The following TTC19 variants were observed in gnomAD, a reference collection of about 807,000 sequenced individuals.
The protein encoded by TTC19 is tetratricopeptide repeat domain 19, also known as tetratricopeptide repeat protein 19, mitochondrial.
In TTC19, 38 loss-of-function variants were observed where a neutral mutation model predicts 49.5. The observed-to-expected ratio is 0.77, with a 90% confidence interval of 0.59 to 1.01. The LOEUF is 1.01. Among genes scored for constraint, TTC19 ranks in the 50% least tolerant of loss-of-function variants. The pLI is 0.00. For missense variants in TTC19, 475 were observed against 477.7 expected, an observed-to-expected ratio of 0.99 and a Z score of 0.05; for synonymous variants, 204 against 185.2, an observed-to-expected ratio of 1.10 and a Z score of -0.83.
chr17:16,002,243 A>G (rs958208084), intron 3 of TTC19, among the ~76,000 whole-genome samples: 2 of 152,172 alleles, frequency 1.3e-5, no homozygotes, highest in East Asian at 1.9e-4. Context: ...CAGTGGCACA[A>G]TCTTGGCTCA....
intron 6 of TTC19, 31 bp downstream of exon 6, chr17:16,004,293 G>A: frequency 1.2e-6 from 2 of 1,604,520 alleles, no homozygotes; most frequent in Non-Finnish European, 1.7e-6. Context: ...GTAGGACTGT[G>A]GGCAGGAAAC....
At position 16,007,342 on chromosome 17, in the gene TTC19, CAAT is replaced by C. The variant is rs139823918; in HGVS notation, c.676+777_676+779del. On this transcript the variant is annotated intron_variant, in intron 7 of 9. Transcript: ENST00000261647. ...GTTAGGCACAGTAAGAGATTAACAA[CAAT>C]AACTTTTAATAGAACAATTATAACT... Among the ~76,000 whole-genome samples, 457 of 152,180 alleles carry C rather than the reference CAAT, an allele frequency of 3.0e-3. 4 individuals carry two copies. Among genetic ancestry groups the C allele is most frequent in the African/African-American group, 0.01 (422 of 41,464 alleles).
rs2057371068 is a variant in TTC19 at position 16,040,576 on chromosome 17, AAAATT to A, written c.248-3924_248-3920del. The A allele has an allele frequency of 6.2e-6, 7 of 1,136,520 alleles. No individual in the cohort carries two copies. In the South Asian group the frequency reaches 9.6e-5, roughly 16 times the overall value. The allele number at this position is 1,136,520 out of a possible 1,614,324, so 70.4% of individuals were successfully genotyped here. A position where few individuals can be genotyped will look rare whatever the true frequency, so the allele number is the denominator to read the frequency against. On this transcript the variant is annotated intron_variant, in intron 2 of 2. Coordinates refer to the TTC19 transcript ENST00000470649. ...TAAAGTCTCAAAAAATTCCTATAAT[AAAATT>A]AATCTTTTTATTTTTCATGATCTCA...
intron 2 of TTC19, chr17:16,040,648 ATTT>A: frequency 1.7e-5 from 11 of 635,554 alleles, no homozygotes; most frequent in East Asian, 1.3e-4. Flanking sequence ...AAATGGAAGT[ATTT>A]TTTTTTTTTG....
intron 6 of TTC19, among the ~76,000 whole-genome samples, chr17:16,006,204 G>A (rs1305934401): frequency 6.6e-6 from 1 of 152,222 alleles, no homozygotes; most frequent in Non-Finnish European, 1.5e-5. Flanking sequence ...AAGGTCAGGA[G>A]TTCCAGACCA....
At chr17:16,000,992 C>A (rs1382220701) in intron 2 of TTC19, among the ~76,000 whole-genome samples, 1 of 152,176 alleles carries the variant, frequency 6.6e-6, no homozygotes, top group Non-Finnish European at 1.5e-5. Context: ...CTGTTGCCAA[C>A]AAATGCAAAA....
At chr17:16,033,216 T>C (rs937260515), downstream of TTC19, among the ~76,000 whole-genome samples, 1 of 151,220 alleles carries the variant, frequency 6.6e-6, no homozygotes, top group South Asian at 2.1e-4. Flanking sequence ...ATGCCTGTAA[T>C]CCCAGCTAGT....
chr17:16,007,348 CTTTT>C (rs1661763190), intron 7 of TTC19, among the ~76,000 whole-genome samples: 3 of 151,916 alleles, frequency 2.0e-5, no homozygotes, highest in Non-Finnish European at 2.9e-5. Flanking sequence ...ACAACAATAA[CTTTT>C]AATAGAACAA....
intron 6 of TTC19, among the ~76,000 whole-genome samples, chr17:16,005,991 G>A (rs56258621): frequency 0.16 from 24,842 of 152,150 alleles, 4,552 homozygotes; most frequent in African/African-American, 0.45. Context: ...TAAAAAAACT[G>A]CTTTGAGAAA....
chr17:16,039,252 G>T (rs1423789549), intron 2 of TTC19: 1 of 615,446 alleles, frequency 1.6e-6, no homozygotes, highest in South Asian at 2.1e-5. Context: ...TTTTATTTCT[G>T]TTCATATTAT....
intron 2 of TTC19, chr17:16,040,370 A>T: frequency 8.1e-7 from 1 of 1,239,748 alleles, no homozygotes. Flanking sequence ...GTTGGTACTC[A>T]GTACATATTT....
At chr17:16,022,838 T>C (rs1367183001) in intron 7 of TTC19, among the ~76,000 whole-genome samples, 16 of 152,236 alleles carry the variant, frequency 1.1e-4, no homozygotes, top group Admixed American at 1.0e-3. Context: ...TATCTTTTTC[T>C]GTGACTAGAA....
rs192811874 is a variant in TTC19, at chr17:16,044,591, G to A, written c.*36G>A. 283 of 554,098 alleles carry A rather than the reference G, an allele frequency of 5.1e-4. 1 individual carries two copies. Among genetic ancestry groups the A allele is most frequent in the African/African-American group, 4.3e-3 (225 of 52,510 alleles). 34.3% of individuals were successfully genotyped at this position (554,098 alleles called of 1,614,324 possible). On this transcript the variant is annotated 3_prime_UTR_variant, in exon 3 of 3. Transcript: ENST00000470649. ...TCATCCGGCAACTACCACCACGTCCGGCAGCGCCAGCCCCACACTTGCCCA... is the reference window on the plus strand; with the variant it reads ...TCATCCGGCAACTACCACCACGTCCAGCAGCGCCAGCCCCACACTTGCCCA...
At position 16,039,275 on chromosome 17, in the gene TTC19, G is replaced by C. The variant is rs143648164; in HGVS notation, c.248-5228G>C. ...CTGTTCATATTATAATGTCTGGGTA[G>C]GTTTTCAAAAACCTTTTTTAAGTAA... On this transcript the variant is annotated intron_variant, in intron 2 of 2. Coordinates refer to the TTC19 transcript ENST00000470649. 2.4e-3 allele frequency: 1,626 copies of C among 681,192 alleles called. 26 individuals are homozygous for C. The African/African-American group carries it at 0.026, about 11-fold the overall frequency. 42.2% of individuals were successfully genotyped at this position (681,192 alleles called of 1,614,324 possible).
In TTC19 at chr17:16,025,075, C is replaced by T. The variant is rs1971505188; in HGVS notation, c.735C>T (p.Arg245=). The part of the protein sequence containing the change: ...LLGMCLDACA[R]YLLFSKQPSQ... ...GCATGTGCTTAGACGCCTGTGCTCG[C>T]TACCTTCTGTTCTCCAAGCAGCCGT... Residue 245 remains arginine, a synonymous_variant, in exon 8 of 10, where the codon CGC becomes CGT. Transcript: ENST00000261647. 1 of 1,613,938 alleles carries T rather than the reference C, an allele frequency of 6.2e-7. No individual in the cohort carries two copies. The highest frequency in any genetic ancestry group is 8.5e-7 in the Non-Finnish European group (1 of 1,179,852).
At position 16,028,101 on chromosome 17, in the gene TTC19, G is replaced by T. The variant is rs974345329; in HGVS notation, c.*579G>T. The T allele has an allele frequency of 1.5e-5, 7 of 453,932 alleles. No homozygotes were observed. The highest frequency in any genetic ancestry group is 1.4e-4 in the African/African-American group (7 of 49,970). 28.1% of individuals were successfully genotyped at this position (453,932 alleles called of 1,614,324 possible). A position where few individuals can be genotyped will look rare whatever the true frequency, so the allele number is the denominator to read the frequency against. ...AAGTTGTAAAGTGGGGATTAGGCAC[G>T]TGACAGTATAGCACCCATTTGAATT... is the stretch of plus-strand genomic sequence containing the variant. On this transcript the variant is annotated 3_prime_UTR_variant, in exon 10 of 10. Transcript: ENST00000261647.
At chr17:16,044,906 C>G (rs2058402490) in exon 3 of TTC19, 1 of 680,764 alleles carries the variant, frequency 1.5e-6, no homozygotes, top group Non-Finnish European at 2.6e-6. Context: ...TGGAAGCAAA[C>G]AAAGAAGAAT....
chr17:16,040,263 T>C, intron 2 of TTC19: 1 of 693,924 alleles, frequency 1.4e-6, no homozygotes, highest in South Asian at 1.5e-5. Context: ...AGGTATTTAC[T>C]GGATCTCAGT....
intron 9 of TTC19, chr17:16,027,085 C>G: frequency 5.8e-6 from 3 of 518,408 alleles, no homozygotes; most frequent in Non-Finnish European, 1.0e-5. Context: ...GCACACTATA[C>G]CGATCATTTT....
Sources: gnomAD v4.1 joint callset for allele counts (sites outside exome capture counted in the v4.1 genomes callset) on GRCh38, gnomAD v4.1.1 for gene constraint, MANE v1.5 for transcripts, NCBI Gene and HGNC (gene_info 2026-07-23, HGNC 2026-07-21) for gene names.